Variants in BEST4 observed in about 807,000 individuals in gnomAD.
BEST4 encodes the protein bestrophin-4.
Under a neutral mutation model 47.1 loss-of-function variants are expected in BEST4, and 36 were observed. The observed-to-expected ratio is 0.76, with a 90% CI of 0.59 to 1.01. The LOEUF (loss-of-function observed/expected upper bound fraction) is 1.01, where lower values mean the gene tolerates loss of function less well. Ranked by LOEUF, BEST4 falls within the 50% of genes least tolerant of loss-of-function variation. The pLI, the probability that BEST4 is intolerant of heterozygous loss-of-function variation, is 0.00. For missense variants in BEST4, 550 were observed against 648.6 expected, an observed-to-expected ratio of 0.85 and a Z score of 1.65; for synonymous variants, 250 against 277.8, an observed-to-expected ratio of 0.90 and a Z score of 1.00.
chr1:44,786,433 AC>A lies in BEST4; in HGVS notation c.481+29del. The A allele has an allele frequency of 1.4e-6, 2 of 1,479,620 alleles. No individual in the cohort carries two copies. The highest frequency in any genetic ancestry group is 1.8e-6 in the Non-Finnish European group (2 of 1,113,300). 91.7% of individuals were successfully genotyped at this position (1,479,620 alleles called of 1,614,324 possible). ...CCACCTGCATCCGGCTGTGGGCCGG[AC>A]CCCCAGAGGCTCCCGGCGGGCGGCG... On this transcript the variant is annotated intron_variant, in intron 3 of 8. Transcript: ENST00000372207. The surrounding 1 kb of genome is among the most constrained non-coding windows in gnomAD (Gnocchi z 4.9).
rs1476785695 is a variant in BEST4 at position 44,786,353 on chromosome 1, T to A, written c.481+110A>T. 1.7e-5 allele frequency: 25 copies of A among 1,449,582 alleles called. No individual in the cohort carries two copies. Among genetic ancestry groups the A allele is most frequent in the Non-Finnish European group, 2.3e-5 (25 of 1,082,570 alleles). The allele number at this position is 1,449,582 out of a possible 1,614,324, so 89.8% of individuals were successfully genotyped here. On this transcript the variant is annotated intron_variant, in intron 3 of 8. Coordinates refer to ENST00000372207, the MANE Select transcript of BEST4 (RefSeq NM_153274.3). The surrounding 1 kb of genome is among the most constrained non-coding windows in gnomAD (Gnocchi z 4.9). The stretch of plus-strand genomic sequence containing the variant: ...CCCAGGACTCGCGGTTCCGCGTTCC[T>A]GTCGCAGTCCAGACCCTTCCCTGGA...
chr1:44,786,507 CG>C lies in BEST4; in HGVS notation c.436del (p.Arg146AlafsTer29). 1.3e-6 allele frequency: 2 copies of C among 1,545,910 alleles called. No homozygotes were observed. Among genetic ancestry groups the C allele is most frequent in the Non-Finnish European group, 1.7e-6 (2 of 1,145,970 alleles). ...CATGGTGGGGAAGCGCTTAAGCACG[CG>C]GGTGCTGACCGAGCGCAGCACCAGC... ...SVLVLRSVST[R>X]VLKRFPTMEH... On this transcript the variant is annotated frameshift_variant, in exon 3 of 9. Coordinates refer to ENST00000372207, the MANE Select transcript of BEST4 (RefSeq NM_153274.3). LOFTEE classifies it high-confidence loss of function. The surrounding 1 kb of genome is among the most constrained non-coding windows in gnomAD (Gnocchi z 4.9).
chr1:44,791,570 C>G (rs1462854430), upstream of BEST4, among the ~76,000 whole-genome samples: 1 of 151,894 alleles, frequency 6.6e-6, no homozygotes, highest in Non-Finnish European at 1.5e-5. Context: ...CCACAGAGCC[C>G]GGGATAAAAG....
Position 44,787,434 on chromosome 1 carries a change from T to A in BEST4, c.185A>T (p.Tyr62Phe). 1 of 1,614,196 alleles carries A rather than the reference T, an allele frequency of 6.2e-7. No homozygotes were observed. Among genetic ancestry groups the A allele is most frequent in the African/African-American group, 1.3e-5 (1 of 75,050 alleles). ...GTTGCAGTACCGGGCCACCTGAGCA[T>A]ACACGTACCTCTGCTCCTGGGTCAG... ...LLLTQEQRYV[Y>F]AQVARYCNRS... The change falls in exon 2 of 9, where the codon TAT becomes TTT. Residue 62 changes from tyrosine (Y) to phenylalanine (F), a missense_variant. By Grantham distance (22) the Tyr-to-Phe change is conservative. Transcript: ENST00000372207.
chr1:44,785,976 C>T, intron 4 of BEST4, 98 bp downstream of exon 4: 1 of 1,450,172 alleles, frequency 6.9e-7, no homozygotes, highest in African/African-American at 1.4e-5. Flanking sequence ...GGCTGGGGTA[C>T]ACAGCTGATG....
Position 44,787,616 on chromosome 1 carries a change from C to G in BEST4, c.90G>C (p.Lys30Asn). 1 of 1,614,224 alleles carries G rather than the reference C, an allele frequency of 6.2e-7. No individual in the cohort carries two copies. The highest frequency in any genetic ancestry group is 8.5e-7 in the Non-Finnish European group (1 of 1,180,042). ...AGAGGAGGAATTCCTTGTAGAGGAG[C>G]TTGTAGATGCTTCCCCTCCAGCGGA... ...LLLRWRGSIY[K>N]LLYKEFLLFG... The change falls in exon 1 of 9, where the codon AAG becomes AAC. Residue 30 changes from lysine to asparagine, a missense_variant. By Grantham distance (94) the Lys-to-Asn change is moderately conservative. This residue lies in a region of BEST4 where 291 missense variants were observed against 342.4 expected (regional missense o/e 0.85). Coordinates refer to ENST00000372207, the MANE Select transcript of BEST4 (RefSeq NM_153274.3).
intron 4 of BEST4, 144 bp downstream of exon 4, chr1:44,785,930 G>C (rs1651201292): frequency 9.6e-7 from 1 of 1,043,024 alleles, no homozygotes; most frequent in Non-Finnish European, 1.4e-6. Context: ...TGCTGTAAGG[G>C]ATGAATGAGT....
Position 44,786,420 on chromosome 1 carries a change from G to A in BEST4, c.481+43C>T, listed in dbSNP as rs758869193. ...ACTCTCCCAGGCGCCACCTGCATCC[G>A]GCTGTGGGCCGGACCCCCAGAGGCT... On this transcript the variant is annotated intron_variant, in intron 3 of 8. Coordinates refer to ENST00000372207, the MANE Select transcript of BEST4 (RefSeq NM_153274.3). This position sits in a 1 kb window ranked among gnomAD's most constrained non-coding sequence, Gnocchi z 4.9. 5 of 1,464,246 alleles carry A rather than the reference G, an allele frequency of 3.4e-6. No individual in the cohort carries two copies. The South Asian group carries it at 4.0e-5, about 12-fold the overall frequency. 90.7% of individuals were successfully genotyped at this position (1,464,246 alleles called of 1,614,324 possible).
upstream of BEST4, among the ~76,000 whole-genome samples, chr1:44,790,875 C>T (rs1366831828): frequency 6.6e-6 from 1 of 152,120 alleles, no homozygotes; most frequent in Non-Finnish European, 1.5e-5. Flanking sequence ...ACAGCCATTG[C>T]ACTCCAGCTT....
chr1:44,784,441 G>A lies in BEST4; in HGVS notation c.1191C>T (p.Ser397=), dbSNP rs1651142697. Residue 397 remains serine, a synonymous_variant, in exon 9 of 9, where the codon TCC becomes TCT. Transcript: ENST00000372207. This position sits in a 1 kb window ranked among gnomAD's most constrained non-coding sequence, Gnocchi z 6.2. ...DPEQSLQVEA[S]PGSGRPAPAA... The stretch of plus-strand genomic sequence containing the variant: ...CGGGCGCGGGCCGACCAGATCCGGG[G>A]GACGCCTCCACCTGCAGGCTCTGCT... 2 of 1,440,910 alleles carry A rather than the reference G, an allele frequency of 1.4e-6. No homozygotes were observed. The highest frequency in any genetic ancestry group is 2.8e-5 in the East Asian group (1 of 36,086). 89.3% of individuals were successfully genotyped at this position (1,440,910 alleles called of 1,614,324 possible). A position where few individuals can be genotyped will look rare whatever the true frequency, so the allele number is the denominator to read the frequency against.
At chr1:44,789,182 C>G (rs1651339184), upstream of BEST4, among the ~76,000 whole-genome samples, 1 of 147,380 alleles carries the variant, frequency 6.8e-6, no homozygotes, top group Non-Finnish European at 1.5e-5. Flanking sequence ...TTGCTTGAAC[C>G]TGGGGAGGCG....
Position 44,786,310 on chromosome 1 carries a change from C to A in BEST4, c.482-82G>T. 1 of 1,503,020 alleles carries A rather than the reference C, an allele frequency of 6.7e-7. No homozygotes were observed. The highest frequency in any genetic ancestry group is 2.3e-5 in the East Asian group (1 of 43,954). 93.1% of individuals were successfully genotyped at this position (1,503,020 alleles called of 1,614,324 possible). On this transcript the variant is annotated intron_variant, in intron 3 of 8. Transcript: ENST00000372207. The surrounding 1 kb of genome is among the most constrained non-coding windows in gnomAD (Gnocchi z 4.9). ...CTGTTCCGCCGTCTGGCTCCCCTCCCTCGCGTCCACCGGCTGTCCCAGGAC... is the reference window on the plus strand; with the variant it reads ...CTGTTCCGCCGTCTGGCTCCCCTCCATCGCGTCCACCGGCTGTCCCAGGAC...
downstream of BEST4, among the ~76,000 whole-genome samples, chr1:44,783,325 G>A (rs554225498): frequency 2.6e-5 from 4 of 152,270 alleles, no homozygotes; most frequent in Admixed American, 2.6e-4. Flanking sequence ...ATGGGCCTAG[G>A]CTTCTACCCG....
chr1:44,787,669 G>A lies in BEST4; in HGVS notation c.37C>T (p.Arg13Cys), dbSNP rs375683037. The change falls in exon 1 of 9, where the codon CGC (arginine) becomes TGC (cysteine). Residue 13 changes from arginine (R) to cysteine (C), a missense_variant. Physicochemically the swap from Arg to Cys is radical, Grantham distance 180. Coordinates refer to ENST00000372207, the MANE Select transcript of BEST4 (RefSeq NM_153274.3). ...VSYTLKVAEA[R>C]FGGFSGLLLR... ...AGCAGGCCAGAGAAACCTCCGAAGC[G>A]GGCCTCCGCCACTTTGAGAGTGTAT... 11 of 1,614,184 alleles carry A rather than the reference G, an allele frequency of 6.8e-6. No homozygotes were observed. Among genetic ancestry groups the A allele is most frequent in the Non-Finnish European group, 9.3e-6 (11 of 1,180,038 alleles).
At chr1:44,790,184 C>A (rs1016818463), upstream of BEST4, among the ~76,000 whole-genome samples, 1 of 152,122 alleles carries the variant, frequency 6.6e-6, no homozygotes, top group African/African-American at 2.4e-5. Context: ...TCCAGTCTTG[C>A]CTACCAAGCC....
Position 44,784,738 on chromosome 1 carries a change from C to A in BEST4, c.1039G>T (p.Ala347Ser), listed in dbSNP as rs1651158632. Residue 347 changes from alanine (A) to serine (S), a missense_variant, in exon 8 of 9, where the codon GCT becomes TCT. Ala to Ser is a moderately conservative substitution (Grantham distance 99). Transcript: ENST00000372207. The surrounding 1 kb of genome is among the most constrained non-coding windows in gnomAD (Gnocchi z 6.2). The stretch of plus-strand genomic sequence containing the variant: ...TCATCCCAGTACTGGTCCTTCTCAG[C>A]GGGGGGAAGGTTCTGGTACATTTCG... ...VDEMYQNLPPAEKDQYWDEDQ... is the reference protein window; with the variant it reads ...VDEMYQNLPPSEKDQYWDEDQ... 2 of 1,602,318 alleles carry A rather than the reference C, an allele frequency of 1.2e-6. No homozygotes were observed. Among genetic ancestry groups the A allele is most frequent in the Non-Finnish European group, 1.7e-6 (2 of 1,173,806 alleles).
At chr1:44,787,496 G>C (rs1295864119) in intron 1 of BEST4, 30 bp from the exon 2 acceptor site, 1 of 1,614,154 alleles carries the variant, frequency 6.2e-7, no homozygotes, top group South Asian at 1.1e-5. Flanking sequence ...GCTTGGGTTA[G>C]AGGGAGGTGG....
upstream of BEST4, among the ~76,000 whole-genome samples, chr1:44,789,936 T>G (rs1651367874): frequency 6.6e-6 from 1 of 152,130 alleles, no homozygotes; most frequent in African/African-American, 2.4e-5. Context: ...GAGCACAGGC[T>G]TGGGAATTGG....
rs1651205540 is a variant in BEST4 at position 44,786,087 on chromosome 1, CAGAG to C, written c.619_622del (p.Leu207ValfsTer7). Reference sequence around the variant, plus strand: ...GAGCCCACTCACTTCCAAAAGTAGACAGAGAGCGATATCGTCACGTATTCGCCCG... The same window carrying C: ...GAGCCCACTCACTTCCAAAAGTAGACAGCGATATCGTCACGTATTCGCCCG... On this transcript the variant is annotated frameshift_variant, in exon 4 of 9. Coordinates refer to ENST00000372207, the MANE Select transcript of BEST4 (RefSeq NM_153274.3). LOFTEE classifies it high-confidence loss of function. The surrounding 1 kb of genome is among the most constrained non-coding windows in gnomAD (Gnocchi z 4.9). 4 of 1,606,846 alleles carry C rather than the reference CAGAG, an allele frequency of 2.5e-6. No individual in the cohort carries two copies. The highest frequency in any genetic ancestry group is 2.5e-6 in the Non-Finnish European group (3 of 1,177,522).
Sources: allele counts gnomAD v4.1 joint callset (sites outside exome capture counted in the v4.1 genomes callset), GRCh38; gene constraint gnomAD v4.1.1; regional missense constraint gnomAD v4.1.1; non-coding constraint Gnocchi (gnomAD v3.1); transcripts MANE v1.5; gene names NCBI Gene and HGNC (gene_info 2026-07-23, HGNC 2026-07-21).